SEC24D: variants seen among roughly 807,000 people sequenced by gnomAD.
SEC24D encodes the protein SEC24 homolog D, COPII component.
Under a neutral mutation model 116.9 loss-of-function variants are expected in SEC24D, and 69 were observed. The ratio of observed to expected loss-of-function variants is 0.59; its 90% CI spans 0.49 to 0.72. The LOEUF (loss-of-function observed/expected upper bound fraction) is 0.72, where lower values mean the gene tolerates loss of function less well. Among genes scored for constraint, SEC24D ranks in the 30% least tolerant of loss-of-function variants. The pLI is 0.00. For missense variants in SEC24D, 1,131 were observed against 1,264.1 expected (o/e 0.89, Z 1.60); for synonymous variants, 405 against 442.8 (o/e 0.91, Z 1.07).
At chr4:118,734,178 T>C (rs1725840569) in intron 19 of SEC24D, among the ~76,000 whole-genome samples, 1 of 150,130 alleles carries the variant, frequency 6.7e-6, no homozygotes, top group African/African-American at 2.5e-5. Context: ...AAATATCTGA[T>C]CTATAAATTA....
At chr4:118,832,158 C>T (rs963904621) in intron 2 of SEC24D, among the ~76,000 whole-genome samples, 1 of 152,080 alleles carries the variant, frequency 6.6e-6, no homozygotes, top group Non-Finnish European at 1.5e-5. Context: ...TCACTAGAAC[C>T]CAGGAGGCGG....
At chr4:118,810,807 T>C (rs1181693645) in intron 6 of SEC24D, among the ~76,000 whole-genome samples, 1 of 151,960 alleles carries the variant, frequency 6.6e-6, no homozygotes, top group Non-Finnish European at 1.5e-5. Flanking sequence ...TAAGACTAAG[T>C]CTTTGGAAAG....
At chr4:118,776,790 C>T (rs932405494) in intron 8 of SEC24D, among the ~76,000 whole-genome samples, 1 of 152,108 alleles carries the variant, frequency 6.6e-6, no homozygotes, top group Non-Finnish European at 1.5e-5. Context: ...AGGCCACTAG[C>T]AGAAAACACA....
intron 8 of SEC24D, among the ~76,000 whole-genome samples, chr4:118,781,242 T>C (rs192665092): frequency 1.8e-3 from 277 of 152,290 alleles, no homozygotes; most frequent in Non-Finnish European, 2.6e-3. Flanking sequence ...TCCCTTTCCA[T>C]GTTTAGTGCT....
rs545662147 is a variant in SEC24D, at chr4:118,765,950, A to G, written c.1181-1033T>C. Among the ~76,000 whole-genome samples the G allele has an allele frequency of 3.3e-5, 5 of 152,296 alleles. No homozygotes were observed. In the East Asian group the frequency reaches 7.7e-4, roughly 24 times the overall value. Reference sequence around the variant, plus strand: ...TGGATCTCTGAATTTGGAAGATTCAACTTCTTGAAAAGATTACATAAGTAG... The same window carrying G: ...TGGATCTCTGAATTTGGAAGATTCAGCTTCTTGAAAAGATTACATAAGTAG... On this transcript the variant is annotated intron_variant, in intron 9 of 22. Transcript: ENST00000280551.
Position 118,815,099 on chromosome 4 carries a change from CAGGGA to C in SEC24D, c.725_729del (p.Phe242TrpfsTer19). On this transcript the variant is annotated frameshift_variant, in exon 6 of 23. Coordinates refer to ENST00000280551, the MANE Select transcript of SEC24D (RefSeq NM_014822.4). LOFTEE classifies it high-confidence loss of function. ...GGACCAGCCATCTGTGCAGGACCTC[CAGGGA>C]AGCCTCCTGGGTAAGACAGTTGTGC... 1 of 1,614,164 alleles carries C rather than the reference CAGGGA, an allele frequency of 6.2e-7. No homozygotes were observed. The highest frequency in any genetic ancestry group is 8.5e-7 in the Non-Finnish European group (1 of 1,180,018).
intron 22 of SEC24D, among the ~76,000 whole-genome samples, chr4:118,724,554 T>A (rs1725313105): frequency 6.6e-6 from 1 of 152,172 alleles, no homozygotes; most frequent in African/African-American, 2.4e-5. Context: ...CTGGGTTAAA[T>A]TAATTATTTA....
At chr4:118,817,522 G>A in intron 3 of SEC24D, 110 bp from the exon 4 acceptor site, 1 of 780,854 alleles carries the variant, frequency 1.3e-6, no homozygotes, top group Non-Finnish European at 1.9e-6. Context: ...GTAGGCCTAG[G>A]AAAATGACTG....
chr4:118,746,475 C>T (rs958939135), intron 13 of SEC24D, among the ~76,000 whole-genome samples: 6 of 151,992 alleles, frequency 3.9e-5, no homozygotes, highest in African/African-American at 1.2e-4. Context: ...CCAATTTGCC[C>T]CAGGTCACAC....
chr4:118,791,526 C>T (rs1728894989), intron 8 of SEC24D, among the ~76,000 whole-genome samples: 1 of 152,058 alleles, frequency 6.6e-6, no homozygotes, highest in African/African-American at 2.4e-5. Context: ...CTACTCCCTA[C>T]TCCCTCCTCC....
intron 7 of SEC24D, among the ~76,000 whole-genome samples, chr4:118,801,677 A>G (rs1054979695): frequency 6.6e-6 from 1 of 152,224 alleles, no homozygotes; most frequent in African/African-American, 2.4e-5. Flanking sequence ...TTGAAGCTGG[A>G]TATTTGTTAC....
At chr4:118,803,024 G>A (rs941532918) in intron 7 of SEC24D, among the ~76,000 whole-genome samples, 2 of 152,182 alleles carry the variant, frequency 1.3e-5, no homozygotes, top group Non-Finnish European at 2.9e-5. Flanking sequence ...TCTCTCAAAT[G>A]AGGAGCCTAG....
chr4:118,811,306 G>C (rs542295215), intron 6 of SEC24D, among the ~76,000 whole-genome samples: 2 of 152,296 alleles, frequency 1.3e-5, no homozygotes, highest in African/African-American at 4.8e-5. Flanking sequence ...ATTCTGACGA[G>C]AATGATCTAG....
chr4:118,824,058 T>C (rs1203918360), intron 3 of SEC24D, among the ~76,000 whole-genome samples: 18 of 152,218 alleles, frequency 1.2e-4, no homozygotes, highest in Admixed American at 1.2e-3. Context: ...ATAAACTGAA[T>C]ATAACTCAAA....
chr4:118,803,506 T>C (rs144387437), intron 7 of SEC24D, among the ~76,000 whole-genome samples: 4 of 152,334 alleles, frequency 2.6e-5, no homozygotes, highest in South Asian at 2.1e-4. Flanking sequence ...GGGTCAGTTA[T>C]CTGGTTGGTG....
chr4:118,744,598 T>G (rs913100573), intron 14 of SEC24D, among the ~76,000 whole-genome samples: 1 of 152,164 alleles, frequency 6.6e-6, no homozygotes, highest in African/African-American at 2.4e-5. Flanking sequence ...CACCTGTGCT[T>G]CATGCCTCAG....
chr4:118,816,470 G>C (rs1413714957), intron 4 of SEC24D, among the ~76,000 whole-genome samples: 1 of 152,058 alleles, frequency 6.6e-6, no homozygotes, highest in Non-Finnish European at 1.5e-5. Flanking sequence ...TTCAGAATTA[G>C]GTAGAAATAA....
intron 2 of SEC24D, among the ~76,000 whole-genome samples, chr4:118,827,383 G>A (rs548147907): frequency 1.3e-5 from 2 of 152,188 alleles, no homozygotes; most frequent in African/African-American, 4.8e-5. Context: ...AGCAATATGA[G>A]AATTTTAATA....
chr4:118,735,313 GAA>G (rs2110434664), intron 19 of SEC24D, among the ~76,000 whole-genome samples: 1 of 152,274 alleles, frequency 6.6e-6, no homozygotes, highest in African/African-American at 2.4e-5. Flanking sequence ...TTGAGGTGAG[GAA>G]GAAAATGTGG....
Sources: allele counts gnomAD v4.1 joint callset (sites outside exome capture counted in the v4.1 genomes callset), GRCh38; gene constraint gnomAD v4.1.1; transcripts MANE v1.5; gene names NCBI Gene and HGNC (gene_info 2026-07-23, HGNC 2026-07-21).